Variants in PCDHA5 observed in about 807,000 individuals in gnomAD.
PCDHA5 encodes the protein protocadherin alpha-5.
PCDHA5 carries 43 observed loss-of-function variants against 61.6 expected under a neutral mutation model. That is an observed-to-expected ratio of 0.70 (90% confidence interval 0.55 to 0.90). PCDHA5 has a LOEUF of 0.90. PCDHA5 is among the 40% of genes least tolerant of loss of function. PCDHA5 has a pLI of 0.00. For synonymous variants in PCDHA5, 627 were observed against 543.9 expected (o/e 1.15, Z -2.13); for missense variants, 1,298 against 1,222.7 (o/e 1.06, Z -0.92).
At chr5:141,000,743 T>TA (rs527867626) in intron 3 of PCDHA5, among the ~76,000 whole-genome samples, 4,963 of 145,376 alleles carry the variant, frequency 0.034, 280 homozygotes, top group African/African-American at 0.12. Flanking sequence ...CTCTGTATAT[T>TA]AAAAAAAAAA....
intron 1 of PCDHA5, among the ~76,000 whole-genome samples, chr5:140,886,628 C>T (rs1305924545): frequency 6.6e-6 from 1 of 151,764 alleles, no homozygotes; most frequent in African/African-American, 2.4e-5. Context: ...GAGTCCGAGA[C>T]CAGCCTGGCC....
rs2150129510 is a variant in PCDHA5 at position 140,823,826 on chromosome 5, G to A, written c.2051G>A (p.Gly684Asp). Residue 684 changes from glycine to aspartate, a missense_variant, in exon 1 of 4, where the codon GGC becomes GAC. Physicochemically the swap from Gly to Asp is moderately conservative, Grantham distance 94. Transcript: ENST00000529859. ...APKASSRASA[G>D]AVGPEAALVD... ...AAGGCCTCATCGCGGGCGTCGGCGG[G>A]CGCTGTGGGTCCCGAGGCTGCCCTG... 66 of 1,613,702 alleles carry A rather than the reference G, an allele frequency of 4.1e-5. No individual in the cohort carries two copies. The highest frequency in any genetic ancestry group is 5.4e-5 in the Non-Finnish European group (64 of 1,179,920).
At chr5:140,922,476 G>C (rs1473614127) in intron 1 of PCDHA5, among the ~76,000 whole-genome samples, 2 of 152,184 alleles carry the variant, frequency 1.3e-5, no homozygotes, top group African/African-American at 4.8e-5. Context: ...AGGAGAGAAG[G>C]CAGGACTAAA....
At position 140,851,264 on chromosome 5, in the gene PCDHA5, A is replaced by G. The variant is rs1170850164; in HGVS notation, c.2352+27137A>G. The G allele has an allele frequency of 2.1e-5, 23 of 1,075,328 alleles. 1 individual carries two copies. The highest frequency in any genetic ancestry group is 4.3e-5 in the East Asian group (1 of 23,212). 66.6% of individuals were successfully genotyped at this position (1,075,328 alleles called of 1,614,324 possible). ...TAAATGATGCATAGTATTTTAGTCT[A>G]CTTGTATTGTTTATAAGAAACCCAA... On this transcript the variant is annotated intron_variant, in intron 1 of 3. Coordinates refer to ENST00000529859, the MANE Select transcript of PCDHA5 (RefSeq NM_018908.3).
At position 140,821,844 on chromosome 5, in the gene PCDHA5, GAA is replaced by G; in HGVS notation, c.70_71del (p.Lys24GlyfsTer103). 3.7e-6 allele frequency: 6 copies of G among 1,614,176 alleles called. No individual in the cohort carries two copies. The highest frequency in any genetic ancestry group is 5.1e-6 in the Non-Finnish European group (6 of 1,180,030). On this transcript the variant is annotated frameshift_variant, in exon 1 of 4. Transcript: ENST00000529859. LOFTEE classifies it high-confidence loss of function. ...LLLWLLLAYW[K>X]AGSGQLHYSI... ...TGCTCTGGCTTCTCCTTGCCTACTGGAAGGCAGGGAGCGGCCAGCTCCACTAC... is the reference window on the plus strand; with the variant it reads ...TGCTCTGGCTTCTCCTTGCCTACTGGGGCAGGGAGCGGCCAGCTCCACTAC...
At chr5:140,888,394 C>T (rs1554183448) in intron 1 of PCDHA5, among the ~76,000 whole-genome samples, 2 of 152,134 alleles carry the variant, frequency 1.3e-5, no homozygotes, top group African/African-American at 2.4e-5. Flanking sequence ...TGCTAAACAC[C>T]ATCCAATTGC....
At position 140,850,251 on chromosome 5, in the gene PCDHA5, G is replaced by T. The variant is rs1562466738; in HGVS notation, c.2352+26124G>T. 1.1e-5 allele frequency: 18 copies of T among 1,594,126 alleles called. 3 individuals are homozygous for T. The highest frequency in any genetic ancestry group is 1.4e-5 in the Non-Finnish European group (16 of 1,167,218). On this transcript the variant is annotated intron_variant, in intron 1 of 3. Coordinates refer to ENST00000529859, the MANE Select transcript of PCDHA5 (RefSeq NM_018908.3). ...GAGCGAGATGGTGCTGCGGTCGGTG[G>T]GCGCCGGCGTAGTGGTGGGGAAGGT...
Position 140,822,693 on chromosome 5 carries a change from A to C in PCDHA5, c.918A>C (p.Glu306Asp). Residue 306 changes from glutamate to aspartate, a missense_variant, in exon 1 of 4, where the codon GAA (glutamate) becomes GAC (aspartate). Transcript: ENST00000529859. ...SNTGEIKVNG[E>D]LDYEDYNSYE... is the part of the protein sequence containing the mutation. The stretch of plus-strand genomic sequence containing the variant: ...CTGGTGAAATAAAAGTTAACGGGGA[A>C]CTGGATTATGAAGACTATAACTCAT... 1 of 1,609,820 alleles carries C rather than the reference A, an allele frequency of 6.2e-7. No homozygotes were observed. Among genetic ancestry groups the C allele is most frequent in the Non-Finnish European group, 8.5e-7 (1 of 1,176,498 alleles).
intron 1 of PCDHA5, chr5:140,856,437 C>T (rs2043996083): frequency 1.9e-6 from 3 of 1,598,304 alleles, no homozygotes; most frequent in Non-Finnish European, 1.7e-6. Flanking sequence ...GACAACCCGC[C>T]CAGGTTCTCC....
Position 140,821,907 on chromosome 5 carries a change from T to G in PCDHA5, c.132T>G (p.Val44=), listed in dbSNP as rs2150111857. ...AGGAAGCCAAACACGGAACCTTCGT[T>G]GGCCGCATCGCGCAGGACCTAGGGC... ...IPEEAKHGTF[V]GRIAQDLGLE... The change falls in exon 1 of 4, where the codon GTT becomes GTG. Residue 44 remains valine (V), a synonymous_variant. Transcript: ENST00000529859. 6.2e-7 allele frequency: 1 copy of G among 1,614,210 alleles called. No homozygotes were observed. Among genetic ancestry groups the G allele is most frequent in the East Asian group, 2.2e-5 (1 of 44,886 alleles).
At position 140,858,191 on chromosome 5, in the gene PCDHA5, C is replaced by T. The variant is rs782250673; in HGVS notation, c.2352+34064C>T. On this transcript the variant is annotated intron_variant, in intron 1 of 3. Transcript: ENST00000529859. ...CAGCTTGCTGGTGCTCACGCTGCTG[C>T]TGTACACTGCACTGAGGTGCTCGGC... 16 of 1,597,324 alleles carry T rather than the reference C, an allele frequency of 1.0e-5. 2 individuals carry two copies. In the Admixed American group the frequency reaches 2.7e-4, roughly 27 times the overall value.
At chr5:140,896,827 T>G (rs1193967071) in intron 1 of PCDHA5, among the ~76,000 whole-genome samples, 1 of 152,214 alleles carries the variant, frequency 6.6e-6, no homozygotes, top group African/African-American at 2.4e-5. Flanking sequence ...TGTTCATAGT[T>G]GTTTTTATTT....
intron 1 of PCDHA5, chr5:140,848,211 A>T: frequency 2.8e-6 from 1 of 353,668 alleles, no homozygotes; most frequent in Non-Finnish European, 5.1e-6. Flanking sequence ...TCATTACTTA[A>T]GAAAAAATTA....
At position 140,928,057 on chromosome 5, in the gene PCDHA5, G is replaced by T. The variant is rs150006101; in HGVS notation, c.2353-50892G>T. 1.4e-4 allele frequency: 234 copies of T among 1,614,060 alleles called. No individual in the cohort carries two copies. Among genetic ancestry groups the T allele is most frequent in the Non-Finnish European group, 1.9e-4 (219 of 1,180,052 alleles). On this transcript the variant is annotated intron_variant, in intron 1 of 3. Transcript: ENST00000529859. ...TAGTGCAGGCCCTTTTCAGCTGACG[G>T]CTTCCTTTGACAACTACTACAGCCT...
intron 1 of PCDHA5, among the ~76,000 whole-genome samples, chr5:140,886,962 G>A (rs1017446014): frequency 6.6e-6 from 1 of 151,842 alleles, no homozygotes; most frequent in African/African-American, 2.4e-5. Context: ...ATTTAGCAAC[G>A]AAATTTATTA....
At chr5:140,829,569 C>T (rs2150170274) in intron 1 of PCDHA5, 1 of 1,612,484 alleles carries the variant, frequency 6.2e-7, no homozygotes, top group East Asian at 2.2e-5. Flanking sequence ...GTGTCCTACT[C>T]GCTGGTGGAG....
intron 1 of PCDHA5, chr5:140,927,761 G>C (rs1554205028): frequency 6.2e-7 from 1 of 1,614,102 alleles, no homozygotes. Flanking sequence ...CACCCTAAAA[G>C]TGGGGAGGTG....
At chr5:140,924,738 T>C (rs2153573504) in intron 1 of PCDHA5, among the ~76,000 whole-genome samples, 1 of 151,522 alleles carries the variant, frequency 6.6e-6, no homozygotes, top group Admixed American at 6.6e-5. Flanking sequence ...CTAATAAAAA[T>C]ACAAAAATTA....
At chr5:141,002,134 C>T (rs1477082485) in intron 3 of PCDHA5, among the ~76,000 whole-genome samples, 1 of 152,216 alleles carries the variant, frequency 6.6e-6, no homozygotes, top group African/African-American at 2.4e-5. Flanking sequence ...TAGCCTTTGC[C>T]GGCTGCACTG....
Sources: gnomAD v4.1 joint callset for allele counts (sites outside exome capture counted in the v4.1 genomes callset) on GRCh38, gnomAD v4.1.1 for gene constraint, MANE v1.5 for transcripts, NCBI Gene and HGNC (gene_info 2026-07-23, HGNC 2026-07-21) for gene names.